The following CAT variants were observed in gnomAD, a reference collection of about 807,000 sequenced individuals.
CAT encodes catalase.
A neutral mutation model predicts 59.0 loss-of-function variants in CAT; 43 were observed. The observed-to-expected ratio is 0.73, with a 90% CI of 0.57 to 0.94. CAT has a LOEUF of 0.94. CAT is among the 40% of genes least tolerant of loss of function. The probability of loss-of-function intolerance (pLI) is 0.00; values close to 1 mark genes in which losing one functional copy is unlikely to be tolerated. For synonymous variants in CAT, 218 were observed against 230.9 expected (o/e 0.94, Z 0.51); for missense variants, 664 against 682.9 (o/e 0.97, Z 0.31).
chr11:34,466,730 G>C (rs181044509), intron 10 of CAT, among the ~76,000 whole-genome samples: 1,354 of 132,604 alleles, frequency 0.01, 6 homozygotes, highest in Non-Finnish European at 0.015. Context: ...GCAGTGAGCC[G>C]AGATCGCGCC....
rs149180752 is a variant in CAT at position 34,460,446 on chromosome 11, CTTT to C, written c.1057-782_1057-780del. 5.5e-3 allele frequency among the ~76,000 whole-genome samples: 464 copies of C among 84,500 alleles called. 7 individuals carry two copies. The East Asian group carries it at 0.056, about 10-fold the overall frequency. 55.4% of individuals were successfully genotyped at this position (84,500 alleles called of 152,430 possible). A position where few individuals can be genotyped will look rare whatever the true frequency, so the allele number is the denominator to read the frequency against. On this transcript the variant is annotated intron_variant, in intron 8 of 12. Transcript: ENST00000241052. ...GAAGGCAGCATGGGAGTGGGCGGTA[CTTT>C]TTTTTTTTTTTTTTTTTTTTTTCTG... is the stretch of plus-strand genomic sequence containing the variant.
intron 8 of CAT, among the ~76,000 whole-genome samples, chr11:34,460,353 C>T (rs1267792365): frequency 1.3e-5 from 2 of 151,332 alleles, no homozygotes; most frequent in African/African-American, 4.9e-5. Flanking sequence ...TTTTGAACCA[C>T]AGATTTTTTG....
chr11:34,449,882 G>A (rs566820363), intron 2 of CAT, among the ~76,000 whole-genome samples: 1 of 152,298 alleles, frequency 6.6e-6, no homozygotes, highest in South Asian at 2.1e-4. Context: ...TCCAGTTCAA[G>A]GTGGTGGGAG....
At chr11:34,453,441 T>C (rs1856552940) in intron 5 of CAT, among the ~76,000 whole-genome samples, 1 of 152,192 alleles carries the variant, frequency 6.6e-6, no homozygotes, top group African/African-American at 2.4e-5. Flanking sequence ...GTAGTAAGGA[T>C]GAAAGTCTGT....
At chr11:34,457,485 C>T (rs1243636962) in intron 8 of CAT, among the ~76,000 whole-genome samples, 2 of 152,058 alleles carry the variant, frequency 1.3e-5, no homozygotes, top group Non-Finnish European at 2.9e-5. Flanking sequence ...GGATTATAGG[C>T]GTGAGCCACC....
chr11:34,459,094 C>T (rs1329532630), intron 8 of CAT, among the ~76,000 whole-genome samples: 1 of 152,088 alleles, frequency 6.6e-6, no homozygotes, highest in Non-Finnish European at 1.5e-5. Context: ...AGCTTTCCCC[C>T]ATCCTTCTTA....
chr11:34,449,451 C>A, intron 2 of CAT, 88 bp downstream of exon 2: 1 of 1,131,634 alleles, frequency 8.8e-7, no homozygotes, highest in Non-Finnish European at 1.3e-6. Flanking sequence ...AGACCTTTAA[C>A]ACAAGTGTCA....
At chr11:34,459,600 G>A (rs1243672032) in intron 8 of CAT, among the ~76,000 whole-genome samples, 1 of 152,154 alleles carries the variant, frequency 6.6e-6, no homozygotes, top group African/African-American at 2.4e-5. Context: ...TCCCACTCAC[G>A]CAGGTCCAGC....
chr11:34,468,505 G>T (rs878889310), intron 11 of CAT, 110 bp downstream of exon 11: 1 of 743,314 alleles, frequency 1.3e-6, no homozygotes. Flanking sequence ...TGACTTAAGA[G>T]AACTTAAAAA....
intron 9 of CAT, among the ~76,000 whole-genome samples, chr11:34,462,380 C>A (rs1424369003): frequency 2.0e-5 from 3 of 152,064 alleles, no homozygotes; most frequent in Non-Finnish European, 1.5e-5. Flanking sequence ...CCCATATAGT[C>A]CCAACACCCA....
In CAT at chr11:34,456,649, A is replaced by G. The variant is rs1425072008; in HGVS notation, c.904-16A>G. ...AGTTGATTGCCTGGTAATTGTGAAT[A>G]TGACATCATTTTCAGGTTTGGCCTC... is the stretch of plus-strand genomic sequence containing the variant. On this transcript the variant is annotated splice_polypyrimidine_tract_variant and intron_variant, in intron 7 of 12. Coordinates refer to ENST00000241052, the MANE Select transcript of CAT (RefSeq NM_001752.4). 1.2e-6 allele frequency: 2 copies of G among 1,613,362 alleles called. No individual in the cohort carries two copies. The highest frequency in any genetic ancestry group is 3.3e-5 in the Admixed American group (2 of 60,032).
intron 10 of CAT, among the ~76,000 whole-genome samples, chr11:34,466,300 T>A (rs1456896793): frequency 6.6e-6 from 1 of 152,206 alleles, no homozygotes; most frequent in Non-Finnish European, 1.5e-5. Flanking sequence ...TCTAGACCTT[T>A]TTATATGGAA....
intron 1 of CAT, among the ~76,000 whole-genome samples, chr11:34,441,914 A>C (rs1351027619): frequency 6.6e-6 from 1 of 152,202 alleles, no homozygotes; most frequent in Non-Finnish European, 1.5e-5. Flanking sequence ...AAGGTAAGTG[A>C]ATGTGTTATG....
intron 4 of CAT, 58 bp from the exon 5 acceptor site, chr11:34,453,031 GA>G: frequency 6.1e-6 from 6 of 984,714 alleles, no homozygotes; most frequent in Non-Finnish European, 9.8e-6. Flanking sequence ...TATAATGAAA[GA>G]CACCATAATT....
intron 11 of CAT, 84 bp downstream of exon 11, chr11:34,468,479 C>T: frequency 1.0e-6 from 1 of 977,630 alleles, no homozygotes; most frequent in Non-Finnish European, 1.7e-6. Flanking sequence ...AAAGAAAGTG[C>T]CATTTCTGTT....
At chr11:34,441,338 G>A (rs545784058) in intron 1 of CAT, among the ~76,000 whole-genome samples, 6 of 152,082 alleles carry the variant, frequency 3.9e-5, no homozygotes, top group Non-Finnish European at 5.9e-5. Context: ...CTTTTATTAC[G>A]TTACTCCATC....
intron 1 of CAT, among the ~76,000 whole-genome samples, chr11:34,440,688 G>C (rs889686404): frequency 6.6e-5 from 10 of 151,280 alleles, no homozygotes; most frequent in African/African-American, 2.4e-4. Flanking sequence ...TCAGCCTCCC[G>C]AGTAGCTGGG....
Position 34,451,076 on chromosome 11 carries a change from C to T in CAT, c.327C>T (p.Ile109=), listed in dbSNP as rs61752922. ...VFEHIGKKTP[I]AVRFSTVAGE... ...AGCATATTGGAAAGAAGACTCCCAT[C>T]GCAGTTCGGTTCTCCACTGTTGGTA... is the stretch of plus-strand genomic sequence containing the variant. The change falls in exon 3 of 13, where the codon ATC becomes ATT. Residue 109 remains isoleucine (I), a synonymous_variant. Transcript: ENST00000241052. The T allele has an allele frequency of 2.6e-3, 4,170 of 1,610,374 alleles. 9 individuals are homozygous for T. Among genetic ancestry groups the T allele is most frequent in the Non-Finnish European group, 3.2e-3 (3,768 of 1,176,540 alleles).
At chr11:34,468,599 T>C (rs986448597) in intron 11 of CAT, 2 of 613,760 alleles carry the variant, frequency 3.3e-6, no homozygotes, top group African/African-American at 1.8e-5. Flanking sequence ...CCATCGTCCT[T>C]AGCTGTTTGT....
Sources: allele counts gnomAD v4.1 joint callset (sites outside exome capture counted in the v4.1 genomes callset), GRCh38; gene constraint gnomAD v4.1.1; transcripts MANE v1.5; gene names NCBI Gene and HGNC (gene_info 2026-07-23, HGNC 2026-07-21).